RIF1: variants seen among roughly 807,000 people sequenced by gnomAD.
RIF1 encodes the protein telomere-associated protein RIF1.
A neutral mutation model predicts 247.1 loss-of-function variants in RIF1; 45 were observed. That is an observed-to-expected ratio of 0.18 (90% CI 0.14 to 0.23). The LOEUF is 0.23. RIF1 is among the 10% of genes least tolerant of loss of function. The probability of loss-of-function intolerance (pLI) is 1.00; values close to 1 mark genes in which losing one functional copy is unlikely to be tolerated. For synonymous variants in RIF1, 1,087 were observed against 978.8 expected, an observed-to-expected ratio of 1.11 and a Z score of -2.06; for missense variants, 2,967 against 2,862.5, an observed-to-expected ratio of 1.04 and a Z score of -0.83.
In RIF1 at chr2:151,464,798, A is replaced by G. The variant is rs1696667739; in HGVS notation, c.5278A>G (p.Ser1760Gly). The change falls in exon 30 of 36, where the codon AGT becomes GGT. Residue 1760 changes from serine (S) to glycine (G), a missense_variant. Around this residue, in one of 7 missense-constraint regions of RIF1, gnomAD observed 2,028 missense variants for 1,825.6 expected, o/e 1.11. Transcript: ENST00000444746. The stretch of plus-strand genomic sequence containing the variant: ...TACAGAAAATAATGACGTAGAGATT[A>G]GTGAAACAAAAAAGGCAGATGTGCA... The part of the protein sequence containing the change: ...KNTENNDVEI[S>G]ETKKADVQAP... 1.9e-6 allele frequency: 3 copies of G among 1,613,992 alleles called. No homozygotes were observed. Among genetic ancestry groups the G allele is most frequent in the East Asian group, 4.5e-5 (2 of 44,868 alleles).
the RIF1 span, chr2:151,527,375 A>T: frequency 2.1e-6 from 2 of 961,690 alleles, no homozygotes; most frequent in Non-Finnish European, 3.1e-6. Context: ...CGGATCTCAA[A>T]CGAGCAAGGG....
intron 9 of RIF1, among the ~76,000 whole-genome samples, chr2:151,432,736 G>A (rs1180744187): frequency 2.0e-5 from 3 of 152,242 alleles, no homozygotes; most frequent in Non-Finnish European, 4.4e-5. Context: ...GTTTAGTAGC[G>A]TCCGTAGTCT....
chr2:151,414,069 T>C (rs576040312), intron 3 of RIF1, among the ~76,000 whole-genome samples: 2 of 152,288 alleles, frequency 1.3e-5, no homozygotes, highest in South Asian at 4.1e-4. Flanking sequence ...CCCAGCACTT[T>C]GGGAGGCCTG....
intron 31 of RIF1, 115 bp from the exon 32 acceptor site, chr2:151,468,357 ACT>A (rs2152520061): frequency 1.1e-6 from 1 of 925,202 alleles, no homozygotes; most frequent in Non-Finnish European, 1.7e-6. Context: ...GTAGTAGATT[ACT>A]CTTTTTATGT....
chr2:151,533,848 A>G, the RIF1 span, among the ~76,000 whole-genome samples: 1 of 152,222 alleles, frequency 6.6e-6, no homozygotes, highest in African/African-American at 2.4e-5. Context: ...TATAGTAAGG[A>G]GTTATGTCTT....
Position 151,454,992 on chromosome 2 carries a change from C to T in RIF1, c.2442C>T (p.Phe814=). 6.2e-7 allele frequency: 1 copy of T among 1,613,652 alleles called. No individual in the cohort carries two copies. Among genetic ancestry groups the T allele is most frequent in the South Asian group, 1.1e-5 (1 of 91,064 alleles). ...TTATTGTGAAAGTGATCTATTCTTTCCACACACTGAGCTTCAAGGAAGCAC... is the reference window on the plus strand; with the variant it reads ...TTATTGTGAAAGTGATCTATTCTTTTCACACACTGAGCTTCAAGGAAGCAC... ...FKLIVKVIYS[F]HTLSFKEAHS... Residue 814 remains phenylalanine (F), a synonymous_variant, in exon 22 of 36, where the codon TTC becomes TTT. Coordinates refer to ENST00000444746, the MANE Select transcript of RIF1 (RefSeq NM_018151.5).
downstream of RIF1, chr2:151,512,934 A>G (rs1161746226): frequency 9.0e-6 from 7 of 774,184 alleles, no homozygotes; most frequent in Admixed American, 1.1e-4. Flanking sequence ...TTCTTTTCCA[A>G]GAGGGACTCA....
the RIF1 span, among the ~76,000 whole-genome samples, chr2:151,528,175 C>T: frequency 1.3e-5 from 2 of 152,162 alleles, no homozygotes; most frequent in Admixed American, 1.3e-4. Flanking sequence ...TTGCATGCTT[C>T]CTAGACCCTT....
chr2:151,492,075 T>C (rs767764190), intron 9 of RIF1: 12 of 1,611,308 alleles, frequency 7.4e-6, no homozygotes, highest in Non-Finnish European at 1.0e-5. Flanking sequence ...GTTAATCCCC[T>C]CCCCCAACCC....
chr2:151,491,223 G>C (rs989280969), intron 9 of RIF1: 12 of 157,590 alleles, frequency 7.6e-5, no homozygotes, highest in African/African-American at 2.9e-4. Context: ...TGTAGAAAAG[G>C]GGTCTCATTC....
chr2:151,507,930 TG>T, exon 14 of RIF1: 1 of 1,051,004 alleles, frequency 9.5e-7, no homozygotes, highest in Non-Finnish European at 1.4e-6. Context: ...ACTGCAAGCC[TG>T]GGATATCCAG....
intron 20 of RIF1, among the ~76,000 whole-genome samples, chr2:151,451,160 C>T (rs564568502): frequency 6.6e-6 from 1 of 152,068 alleles, no homozygotes; most frequent in East Asian, 1.9e-4. Flanking sequence ...AACAACAGAC[C>T]GCAAATCTAG....
In RIF1 at chr2:151,478,214, A is replaced by C. The variant is rs1420099373; in HGVS notation, c.*3143A>C. On this transcript the variant is annotated 3_prime_UTR_variant, in exon 36 of 36. Transcript: ENST00000444746. ...GCTGTTGGATAATACAGGCAAAAAC[A>C]GGATTTAAACCCGCACATTAAAAGC... The C allele has an allele frequency of 4.6e-5, 7 of 152,244 alleles. No individual in the cohort carries two copies. Among genetic ancestry groups the C allele is most frequent in the Non-Finnish European group, 8.8e-5 (6 of 68,048 alleles). 9.4% of individuals were successfully genotyped at this position (152,244 alleles called of 1,614,324 possible).
rs767430873 is a variant in RIF1 at position 151,465,009 on chromosome 2, G to A, written c.5489G>A (p.Gly1830Glu). 2.5e-6 allele frequency: 4 copies of A among 1,577,828 alleles called. No homozygotes were observed. The change falls in exon 30 of 36, where the codon GGA (glycine) becomes GAA (glutamate). Residue 1830 changes from glycine to glutamate, a missense_variant. Physicochemically the swap from Gly to Glu is moderately conservative, Grantham distance 98. Transcript: ENST00000444746. ...ACTATGCAAGAATCTCTTCCTTCTG[G>A]AATAGTAAACTTTAGAGAGGAAATT... Reference protein sequence around the residue: ...ENTMQESLPSGIVNFREEICD... With the variant: ...ENTMQESLPSEIVNFREEICD...
intron 27 of RIF1, among the ~76,000 whole-genome samples, chr2:151,461,845 G>A (rs895560353): frequency 3.9e-5 from 6 of 151,924 alleles, no homozygotes; most frequent in African/African-American, 1.2e-4. Context: ...TAACAATTTA[G>A]TAGAACTGTA....
chr2:151,440,803 C>A (rs1163773646), intron 15 of RIF1, among the ~76,000 whole-genome samples: 1 of 152,150 alleles, frequency 6.6e-6, no homozygotes, highest in Non-Finnish European at 1.5e-5. Context: ...TGCCTAACCC[C>A]ATATGTAAAG....
chr2:151,488,755 A>T (rs2152730646), intron 9 of RIF1, among the ~76,000 whole-genome samples: 1 of 152,278 alleles, frequency 6.6e-6, no homozygotes, highest in Middle Eastern at 3.4e-3. Context: ...TGGGTATCTA[A>T]TTTTATTATT....
intron 10 of RIF1, chr2:151,496,456 T>TAAG (rs2152941206): frequency 6.7e-7 from 1 of 1,486,276 alleles, no homozygotes; most frequent in African/African-American, 1.4e-5. Context: ...ACTTCCTTGT[T>TAAG]AAGAAAACAC....
chr2:151,498,254 A>C, intron 10 of RIF1: 1 of 1,551,340 alleles, frequency 6.4e-7, no homozygotes, highest in Non-Finnish European at 8.7e-7. Flanking sequence ...TTTCTTTCCA[A>C]AATACCGAGC....
Sources: gnomAD v4.1 joint callset for allele counts (sites outside exome capture counted in the v4.1 genomes callset) on GRCh38, gnomAD v4.1.1 for gene constraint, gnomAD v4.1.1 regional missense constraint, MANE v1.5 for transcripts, NCBI Gene and HGNC (gene_info 2026-07-23, HGNC 2026-07-21) for gene names.